Variants in CDK14 observed in about 807,000 individuals in gnomAD.
CDK14 encodes the protein cyclin-dependent kinase 14.
Under a neutral mutation model 60.7 loss-of-function variants are expected in CDK14, and 34 were observed. That is an observed-to-expected ratio of 0.56 (90% confidence interval 0.43 to 0.75). The LOEUF (loss-of-function observed/expected upper bound fraction) is 0.75. Ranked by LOEUF, CDK14 falls within the 30% of genes least tolerant of loss-of-function variation. The pLI is 0.00. For synonymous variants in CDK14, 197 were observed against 203.7 expected (o/e 0.97, Z 0.28); for missense variants, 482 against 564.1 (o/e 0.85, Z 1.47).
Position 90,604,242 on chromosome 7 carries a change from T to C in CDK14, c.116T>C (p.Phe39Ser), listed in dbSNP as rs1424404109. 13 of 1,539,082 alleles carry C rather than the reference T, an allele frequency of 8.4e-6. No homozygotes were observed. In the Middle Eastern group the frequency reaches 6.8e-4, roughly 80 times the overall value. Residue 39 changes from phenylalanine to serine, a missense_variant, in exon 2 of 15, where the codon TTT (phenylalanine) becomes TCT (serine). Phe to Ser is a radical substitution (Grantham distance 155). Coordinates refer to ENST00000380050, the MANE Select transcript of CDK14 (RefSeq NM_001287135.2). ...RIALKKDDTTFDEICVTKMST... is the reference protein window; with the variant it reads ...RIALKKDDTTSDEICVTKMST... The stretch of plus-strand genomic sequence containing the variant: ...GCTTTGAAGAAAGATGACACCACCT[T>C]TGATGAGGTAGGTTAAATTTCTTTA...
At chr7:90,882,749 A>G (rs1791804499) in intron 6 of CDK14, among the ~76,000 whole-genome samples, 1 of 152,208 alleles carries the variant, frequency 6.6e-6, no homozygotes, top group African/African-American at 2.4e-5. Context: ...AGTCTCTCAG[A>G]CCACAATGCA....
At chr7:91,037,678 G>T (rs1796973881) in intron 10 of CDK14, among the ~76,000 whole-genome samples, 1 of 152,112 alleles carries the variant, frequency 6.6e-6, no homozygotes, top group Non-Finnish European at 1.5e-5. Context: ...CAACCAGTTT[G>T]TCAGTAAACT....
chr7:91,169,406 C>T lies in CDK14; in HGVS notation c.*29-37759C>T, dbSNP rs140244620. 1.6e-3 allele frequency among the ~76,000 whole-genome samples: 237 copies of T among 152,294 alleles called. 1 individual carries two copies. Among genetic ancestry groups the T allele is most frequent in the African/African-American group, 4.3e-3 (180 of 41,566 alleles). ...AACCTCACAGGCTGAAACCCTGTCA[C>T]AGAGTAAAGGTCCTTGAATAAACAT... On this transcript the variant is annotated intron_variant, in intron 14 of 14. Coordinates refer to ENST00000380050, the MANE Select transcript of CDK14 (RefSeq NM_001287135.2).
chr7:91,073,343 G>A (rs2116190443), intron 11 of CDK14, among the ~76,000 whole-genome samples: 1 of 152,190 alleles, frequency 6.6e-6, no homozygotes, highest in Non-Finnish European at 1.5e-5. Context: ...AGAGAGTGGG[G>A]GCCAATATTC....
chr7:90,884,917 C>T (rs75217214), intron 6 of CDK14, among the ~76,000 whole-genome samples: 5 of 152,120 alleles, frequency 3.3e-5, no homozygotes, highest in Non-Finnish European at 7.3e-5. Flanking sequence ...TTCCTTAATG[C>T]CTTATACAAA....
At chr7:91,199,145 A>G (rs1284580458) in intron 14 of CDK14, among the ~76,000 whole-genome samples, 1 of 152,196 alleles carries the variant, frequency 6.6e-6, no homozygotes, top group Non-Finnish European at 1.5e-5. Context: ...ATGCTGAGCA[A>G]ATAAGGCTTC....
chr7:90,975,322 A>G (rs974535846), intron 9 of CDK14, among the ~76,000 whole-genome samples: 3 of 151,932 alleles, frequency 2.0e-5, no homozygotes, highest in African/African-American at 7.2e-5. Flanking sequence ...TTCTTCAAAT[A>G]CTTTCATATT....
intron 11 of CDK14, among the ~76,000 whole-genome samples, chr7:91,053,391 C>T (rs966420412): frequency 6.6e-6 from 1 of 152,114 alleles, no homozygotes; most frequent in Non-Finnish European, 1.5e-5. Flanking sequence ...AGTGATGCCT[C>T]CTCCTCTCTT....
rs1554444750 is a variant in CDK14 at position 91,173,440 on chromosome 7, A to AAGG, written c.*29-33725_*29-33724insAGG. Among the ~76,000 whole-genome samples the AAGG allele has an allele frequency of 9.4e-5, 14 of 149,312 alleles. No individual in the cohort carries two copies. The East Asian group carries it at 2.4e-3, about 25-fold the overall frequency. On this transcript the variant is annotated intron_variant, in intron 14 of 14. Transcript: ENST00000380050. ...AAGACTGCATCTCTTAAAAAAAAAAAGGTGGGGAGGAGCCAAGATGGCCGA... is the reference window on the plus strand; with the variant it reads ...AAGACTGCATCTCTTAAAAAAAAAAAAGGGGTGGGGAGGAGCCAAGATGGCCGA...
intron 6 of CDK14, among the ~76,000 whole-genome samples, chr7:90,878,130 TGA>T (rs1791626181): frequency 6.6e-6 from 1 of 150,528 alleles, no homozygotes; most frequent in East Asian, 1.9e-4. Flanking sequence ...GAGAGAGAAT[TGA>T]GAGTTATTTT....
chr7:90,949,707 C>T (rs1794199272), intron 8 of CDK14, among the ~76,000 whole-genome samples: 1 of 152,142 alleles, frequency 6.6e-6, no homozygotes, highest in African/African-American at 2.4e-5. Flanking sequence ...TGAATCTAAA[C>T]ATTTTTAAGG....
intron 2 of CDK14, among the ~76,000 whole-genome samples, chr7:90,664,644 A>T (rs1012425833): frequency 1.1e-4 from 17 of 152,186 alleles, no homozygotes; most frequent in Admixed American, 1.1e-3. Flanking sequence ...TTGTAGGGAC[A>T]TGGATGAAAC....
chr7:90,910,218 G>A lies in CDK14; in HGVS notation c.703-7383G>A, dbSNP rs1164730481. Among the ~76,000 whole-genome samples the A allele has an allele frequency of 6.6e-5, 10 of 152,178 alleles. No individual in the cohort carries two copies. In the South Asian group the frequency reaches 1.7e-3, roughly 25 times the overall value. On this transcript the variant is annotated intron_variant, in intron 7 of 14. Coordinates refer to ENST00000380050, the MANE Select transcript of CDK14 (RefSeq NM_001287135.2). The stretch of plus-strand genomic sequence containing the variant: ...GTATTCTTTAAAAATTCAGTACTTT[G>A]AATTGCAATGATGCTTTGTAAAATA...
intron 12 of CDK14, among the ~76,000 whole-genome samples, chr7:91,102,448 C>T (rs1332107680): frequency 6.6e-6 from 1 of 151,974 alleles, no homozygotes; most frequent in Non-Finnish European, 1.5e-5. Flanking sequence ...TTACACCTAC[C>T]ACACCTTTAC....
At chr7:90,681,566 C>A (rs1584790149) in intron 2 of CDK14, among the ~76,000 whole-genome samples, 1 of 152,060 alleles carries the variant, frequency 6.6e-6, no homozygotes, top group African/African-American at 2.4e-5. Context: ...TGTTTATGCC[C>A]ATTGTACTTG....
At chr7:91,087,880 G>A (rs1205289322) in intron 12 of CDK14, among the ~76,000 whole-genome samples, 7 of 152,120 alleles carry the variant, frequency 4.6e-5, no homozygotes, top group Non-Finnish European at 1.0e-4. Flanking sequence ...CTTCCTAAGA[G>A]TGGTGTGTTA....
At chr7:91,203,934 G>A (rs12704598) in intron 14 of CDK14, among the ~76,000 whole-genome samples, 21,583 of 152,110 alleles carry the variant, frequency 0.14, 1,749 homozygotes, top group East Asian at 0.29. Flanking sequence ...CACGTTCTTC[G>A]TTTCCCTGAA....
intron 2 of CDK14, among the ~76,000 whole-genome samples, chr7:90,647,992 A>AG (rs1400229179): frequency 8.5e-5 from 13 of 152,184 alleles, no homozygotes; most frequent in South Asian, 4.1e-4. Flanking sequence ...TTATAATTGA[A>AG]GAGGGTCCTT....
At chr7:90,638,544 G>C (rs9768399) in intron 2 of CDK14, among the ~76,000 whole-genome samples, 1,524 of 152,118 alleles carry the variant, frequency 0.01, 27 homozygotes, top group African/African-American at 0.034. Context: ...CCTGACCTTT[G>C]TCTCTGGCTG....
Sources: allele counts gnomAD v4.1 joint callset (sites outside exome capture counted in the v4.1 genomes callset), GRCh38; gene constraint gnomAD v4.1.1; transcripts MANE v1.5; gene names NCBI Gene and HGNC (gene_info 2026-07-23, HGNC 2026-07-21).